The following TCFL5 variants were observed in gnomAD, a reference collection of about 807,000 sequenced individuals.
TCFL5 encodes transcription factor-like 5 protein.
A neutral mutation model predicts 44.3 loss-of-function variants in TCFL5; 9 were observed. That is an observed-to-expected ratio of 0.20 (90% CI 0.12 to 0.35). TCFL5 has a LOEUF of 0.35. Among genes scored for constraint, TCFL5 ranks in the 10% least tolerant of loss-of-function variants. TCFL5 has a pLI of 1.00. For synonymous variants in TCFL5, 319 were observed against 271.6 expected, an observed-to-expected ratio of 1.17 and a Z score of -1.72; for missense variants, 603 against 613.4, an observed-to-expected ratio of 0.98 and a Z score of 0.18.
chr20:62,850,238 G>C (rs1489221740), intron 5 of TCFL5, among the ~76,000 whole-genome samples: 2 of 152,120 alleles, frequency 1.3e-5, no homozygotes, highest in African/African-American at 2.4e-5. Context: ...TGAGACTGAA[G>C]CATGGGTGTA....
chr20:62,859,723 TTTTG>T (rs1332137078), intron 2 of TCFL5, among the ~76,000 whole-genome samples, 197 bp from the exon 3 acceptor site: 96 of 118,830 alleles, frequency 8.1e-4, no homozygotes, highest in Admixed American at 2.0e-3. Context: ...GTTTTTGTTT[TTTTG>T]TTTTTTTTTT....
At position 62,842,262 on chromosome 20, in the gene TCFL5, A is replaced by G. The variant is rs1031686809; in HGVS notation, c.1381-165T>C. On this transcript the variant is annotated intron_variant, in intron 5 of 5. Transcript: ENST00000335351. This position sits in a 1 kb window ranked among gnomAD's most constrained non-coding sequence, Gnocchi z 4.3. ...TGTCTTACCTCACAAGGGGATTTAT[A>G]TAATAAACAGATTTTAACTTTTTTT... 2.0e-5 allele frequency among the ~76,000 whole-genome samples: 3 copies of G among 149,686 alleles called. No homozygotes were observed. Among genetic ancestry groups the G allele is most frequent in the African/African-American group, 7.5e-5 (3 of 40,150 alleles).
At chr20:62,850,911 A>AGCAG (rs2063801196) in intron 5 of TCFL5, among the ~76,000 whole-genome samples, 1 of 152,008 alleles carries the variant, frequency 6.6e-6, no homozygotes, top group Non-Finnish European at 1.5e-5. Flanking sequence ...GCTGGCTCGC[A>AGCAG]GCAGCACCTT....
intron 5 of TCFL5, chr20:62,852,267 G>A (rs780287022): frequency 1.0e-6 from 1 of 985,458 alleles, no homozygotes; most frequent in Non-Finnish European, 1.2e-6. Flanking sequence ...CTCACTCCTA[G>A]AGGGCCAAAG....
chr20:62,856,519 A>G (rs2063893434), intron 4 of TCFL5, among the ~76,000 whole-genome samples: 1 of 151,832 alleles, frequency 6.6e-6, no homozygotes, highest in Non-Finnish European at 1.5e-5. Context: ...CCTGGCTAAC[A>G]TGCTGAAACC....
At chr20:62,851,525 A>T (rs997795027) in intron 5 of TCFL5, 10 of 985,282 alleles carry the variant, frequency 1.0e-5, no homozygotes, top group African/African-American at 7.0e-5. Context: ...TTATCAAAAC[A>T]AATCAACAGT....
intron 5 of TCFL5, among the ~76,000 whole-genome samples, chr20:62,844,561 G>C (rs867148327): frequency 7.2e-6 from 1 of 138,876 alleles, no homozygotes; most frequent in African/African-American, 2.9e-5. Flanking sequence ...TTTTTTTTCT[G>C]TTTTTTTTTG....
chr20:62,841,380 G>C lies in TCFL5; in HGVS notation c.*595C>G, dbSNP rs1409615609. 1 of 154,042 alleles carries C rather than the reference G, an allele frequency of 6.5e-6. No individual in the cohort carries two copies. The highest frequency in any genetic ancestry group is 2.4e-5 in the African/African-American group (1 of 41,444). The allele number at this position is 154,042 out of a possible 1,614,324, so 9.5% of individuals were successfully genotyped here. On this transcript the variant is annotated 3_prime_UTR_variant, in exon 6 of 6. Transcript: ENST00000335351. ...AACGTGGCATTTAAGCGTCTACTGT[G>C]ACAGTATTTCATTTGTGGACAAAAG...
At chr20:62,845,169 T>C in intron 5 of TCFL5, 1 of 978,952 alleles carries the variant, frequency 1.0e-6, no homozygotes, top group Non-Finnish European at 1.2e-6. Context: ...TCGCCCAGAC[T>C]GGGGTGCAAT....
intron 4 of TCFL5, among the ~76,000 whole-genome samples, chr20:62,857,194 G>C (rs2063906795): frequency 6.6e-6 from 1 of 152,160 alleles, no homozygotes. Context: ...TGCATGCGGA[G>C]TCCCGGGAGT....
At chr20:62,846,439 G>C (rs117411435) in intron 5 of TCFL5, among the ~76,000 whole-genome samples, 2 of 152,268 alleles carry the variant, frequency 1.3e-5, no homozygotes, top group East Asian at 3.9e-4. Context: ...CAAAGACGTG[G>C]TACTGATGTC....
intron 5 of TCFL5, chr20:62,846,067 C>A: frequency 7.5e-7 from 1 of 1,330,564 alleles, no homozygotes; most frequent in Non-Finnish European, 9.9e-7. Flanking sequence ...CTGATTTCAT[C>A]TTCAGGAAGC....
In TCFL5 at chr20:62,857,785, C is replaced by T. The variant is rs969763557; in HGVS notation, c.995-147G>A. ...CGAAACACAAAGAGATGTACTAATG[C>T]AGTTTTTCAGCATCAGCAGGGACCA... On this transcript the variant is annotated intron_variant, in intron 3 of 5. Transcript: ENST00000335351. 4 of 961,316 alleles carry T rather than the reference C, an allele frequency of 4.2e-6. No homozygotes were observed. The African/African-American group carries it at 6.6e-5, about 16-fold the overall frequency. The allele number at this position is 961,316 out of a possible 1,614,324, so 59.5% of individuals were successfully genotyped here.
intron 5 of TCFL5, chr20:62,851,675 G>T (rs1200054823): frequency 2.0e-6 from 2 of 985,238 alleles, no homozygotes; most frequent in Admixed American, 6.2e-5. Context: ...TATGCAACTC[G>T]CAAGATGTAA....
intron 5 of TCFL5, 74 bp downstream of exon 5, chr20:62,853,942 T>C: frequency 7.9e-6 from 12 of 1,528,174 alleles, no homozygotes; most frequent in Non-Finnish European, 1.1e-5. Flanking sequence ...GTTTGAGTTA[T>C]CCTTAGGAAA....
chr20:62,847,055 T>C, intron 5 of TCFL5, among the ~76,000 whole-genome samples: 1 of 151,356 alleles, frequency 6.6e-6, no homozygotes, highest in Non-Finnish European at 1.5e-5. Context: ...TGGTGGCACA[T>C]GCCTGTAATC....
chr20:62,858,011 ACAAACC>A (rs956802248), intron 3 of TCFL5, among the ~76,000 whole-genome samples: 7 of 151,998 alleles, frequency 4.6e-5, no homozygotes, highest in Admixed American at 1.3e-4. Flanking sequence ...AACAACAACA[ACAAACC>A]ACCTGGACAT....
At chr20:62,843,520 A>G (rs1425397112) in intron 5 of TCFL5, among the ~76,000 whole-genome samples, 1 of 152,228 alleles carries the variant, frequency 6.6e-6, no homozygotes, top group Admixed American at 6.5e-5. Flanking sequence ...ATTTCTGTGC[A>G]GATTTGAAAA....
chr20:62,841,854 T>TCAGCTTGAGTCACGC lies in TCFL5; in HGVS notation c.*106_*120dup, dbSNP rs2063683229. On this transcript the variant is annotated 3_prime_UTR_variant, in exon 6 of 6. Coordinates refer to ENST00000335351, the MANE Select transcript of TCFL5 (RefSeq NM_006602.4). ...TCTCAAAGTCCCTACTGGAGTCCCG[T>TCAGCTTGAGTCACGC]CAGCTTGAGTCACGCCCTTTTCGAG... is the stretch of plus-strand genomic sequence containing the variant. 2 of 1,379,768 alleles carry TCAGCTTGAGTCACGC rather than the reference T, an allele frequency of 1.4e-6. No individual in the cohort carries two copies. Among genetic ancestry groups the TCAGCTTGAGTCACGC allele is most frequent in the Admixed American group, 2.5e-5 (1 of 39,620 alleles). The allele number at this position is 1,379,768 out of a possible 1,614,324, so 85.5% of individuals were successfully genotyped here.
Sources: allele counts gnomAD v4.1 joint callset (sites outside exome capture counted in the v4.1 genomes callset), GRCh38; gene constraint gnomAD v4.1.1; non-coding constraint Gnocchi (gnomAD v3.1); transcripts MANE v1.5; gene names NCBI Gene and HGNC (gene_info 2026-07-23, HGNC 2026-07-21).